The following TANC2 variants were observed in gnomAD, a reference collection of about 807,000 sequenced individuals.
The protein encoded by TANC2 is tetratricopeptide repeat, ankyrin repeat and coiled-coil containing 2, also known as protein TANC2.
TANC2 carries 26 observed loss-of-function variants against 210.5 expected under a neutral mutation model. The observed-to-expected ratio is 0.12, with a 90% CI of 0.09 to 0.17. The LOEUF is 0.17. Among genes scored for constraint, TANC2 ranks in the 10% least tolerant of loss-of-function variants. The pLI is 1.00. For synonymous variants in TANC2, 931 were observed against 967.1 expected (o/e 0.96, Z 0.69); for missense variants, 2,129 against 2,608.9 (o/e 0.82, Z 4.01).
At chr17:63,032,938 C>T (rs2034830600) in intron 2 of TANC2, among the ~76,000 whole-genome samples, 1 of 152,172 alleles carries the variant, frequency 6.6e-6, no homozygotes, top group Admixed American at 6.6e-5. Context: ...GCTATAATTT[C>T]TAGGTGCCCA....
At chr17:63,306,561 AGAAT>A (rs2044913584) in intron 9 of TANC2, among the ~76,000 whole-genome samples, 1 of 152,232 alleles carries the variant, frequency 6.6e-6, no homozygotes, top group African/African-American at 2.4e-5. Flanking sequence ...AGAAAACAAA[AGAAT>A]AAATATTGTT....
chr17:63,254,718 A>T (rs2043141272), intron 8 of TANC2, among the ~76,000 whole-genome samples: 1 of 152,214 alleles, frequency 6.6e-6, no homozygotes, highest in African/African-American at 2.4e-5. Flanking sequence ...CTTTTTCAGC[A>T]TGAATTGAAA....
At chr17:63,126,523 C>T (rs1185593355) in intron 4 of TANC2, among the ~76,000 whole-genome samples, 3 of 152,132 alleles carry the variant, frequency 2.0e-5, no homozygotes, top group Non-Finnish European at 4.4e-5. Context: ...ATTCTCCTGC[C>T]TCAGCCTCCC....
At chr17:63,137,122 C>G (rs2039117369) in intron 4 of TANC2, among the ~76,000 whole-genome samples, 1 of 151,934 alleles carries the variant, frequency 6.6e-6, no homozygotes, top group Non-Finnish European at 1.5e-5. Flanking sequence ...CCAGAAAGAT[C>G]TTGTTAAAAA....
chr17:63,246,051 C>T (rs2460109), intron 8 of TANC2, among the ~76,000 whole-genome samples: 89,607 of 151,194 alleles, frequency 0.59, 28,827 homozygotes, highest in African/African-American at 0.84. Flanking sequence ...CCTGTTGTCT[C>T]TGCAGAAGGA....
intron 9 of TANC2, among the ~76,000 whole-genome samples, chr17:63,288,550 C>T (rs2044292369): frequency 1.3e-5 from 2 of 152,078 alleles, no homozygotes; most frequent in Non-Finnish European, 1.5e-5. Context: ...TTGATGGTAT[C>T]GTTGAGTTCA....
In TANC2 at chr17:63,420,741, C is replaced by G; in HGVS notation, c.5011C>G (p.Arg1671Gly). ...ATCTCCATTATCCAAAATGGCCCAG[C>G]GGCCCTACCAGATGCCTCAGCTCCC... The change falls in exon 28 of 28, where the codon CGG (arginine) becomes GGG (glycine). Residue 1671 changes from arginine to glycine, a missense_variant. Around this residue, in one of 5 missense-constraint regions of TANC2, gnomAD observed 584 missense variants for 627.3 expected, o/e 0.93. Transcript: ENST00000689528. The surrounding 1 kb of genome is among the most constrained non-coding windows in gnomAD (Gnocchi z 4.2). The G allele has an allele frequency of 1.9e-6, 3 of 1,614,008 alleles. No homozygotes were observed. The highest frequency in any genetic ancestry group is 2.5e-6 in the Non-Finnish European group (3 of 1,179,890).
intron 1 of TANC2, among the ~76,000 whole-genome samples, chr17:62,999,582 A>T (rs942827052): frequency 6.6e-6 from 1 of 152,110 alleles, no homozygotes; most frequent in African/African-American, 2.4e-5. Flanking sequence ...AACCAACACA[A>T]ATTTGTAAGC....
chr17:63,046,270 C>G (rs2035375441), intron 2 of TANC2, among the ~76,000 whole-genome samples: 1 of 149,788 alleles, frequency 6.7e-6, no homozygotes, highest in Non-Finnish European at 1.5e-5. Context: ...AGCGATTCTC[C>G]TGCCTCAGCC....
chr17:63,121,938 G>T (rs1283052459), intron 4 of TANC2, among the ~76,000 whole-genome samples: 2 of 140,614 alleles, frequency 1.4e-5, no homozygotes, highest in Non-Finnish European at 3.1e-5. Flanking sequence ...CTGCACTGTA[G>T]CCTGGGCCAC....
intron 8 of TANC2, among the ~76,000 whole-genome samples, chr17:63,248,893 T>C (rs1343647026): frequency 6.6e-6 from 1 of 152,172 alleles, no homozygotes; most frequent in Admixed American, 6.6e-5. Flanking sequence ...TTTTCTAAGC[T>C]TTTAACTTAC....
In TANC2 at chr17:63,388,730, A is replaced by ACCAC; in HGVS notation, c.2788_2789insCACC (p.Arg930ProfsTer23). 6.3e-7 allele frequency: 1 copy of ACCAC among 1,576,918 alleles called. No individual in the cohort carries two copies. The highest frequency in any genetic ancestry group is 8.6e-7 in the Non-Finnish European group (1 of 1,159,748). On this transcript the variant is annotated frameshift_variant, in exon 16 of 28. Transcript: ENST00000689528. LOFTEE classifies it high-confidence loss of function. ...GTCTTTCCATGGCACTGGCGTCTTT[A>ACCAC]CGAAATCTCTACACTCCAAATATAA...
At chr17:62,978,155 C>CT (rs1255697848) in intron 1 of TANC2, among the ~76,000 whole-genome samples, 1 of 152,010 alleles carries the variant, frequency 6.6e-6, no homozygotes, top group Non-Finnish European at 1.5e-5. Context: ...ACTCTTATGA[C>CT]TAGAGAAGCA....
At chr17:63,183,745 C>T (rs1024978187) in intron 5 of TANC2, among the ~76,000 whole-genome samples, 3 of 152,162 alleles carry the variant, frequency 2.0e-5, no homozygotes, top group Non-Finnish European at 4.4e-5. Context: ...AGGCTGGGCG[C>T]GGTGGCTCAC....
At chr17:63,255,504 T>C (rs984807217) in intron 8 of TANC2, among the ~76,000 whole-genome samples, 1 of 152,216 alleles carries the variant, frequency 6.6e-6, no homozygotes, top group Non-Finnish European at 1.5e-5. Context: ...TTACTTTGTC[T>C]ATTCAAGTTT....
At chr17:63,076,410 A>AG (rs1048349116) in intron 3 of TANC2, among the ~76,000 whole-genome samples, 2 of 152,200 alleles carry the variant, frequency 1.3e-5, no homozygotes, top group African/African-American at 4.8e-5. Flanking sequence ...TTGGAAAAAA[A>AG]AAGTCTTTTC....
intron 7 of TANC2, 104 bp from the exon 8 acceptor site, chr17:63,237,709 GA>G: frequency 8.3e-7 from 1 of 1,208,970 alleles, no homozygotes; most frequent in South Asian, 1.6e-5. Context: ...ACCATTTTTT[GA>G]AAATGGTGTC....
At chr17:63,164,733 A>G (rs866486316) in intron 5 of TANC2, among the ~76,000 whole-genome samples, 5 of 152,176 alleles carry the variant, frequency 3.3e-5, no homozygotes, top group Admixed American at 2.0e-4. Context: ...AGGAGCACCA[A>G]TGTCCAAGAG....
intron 9 of TANC2, among the ~76,000 whole-genome samples, chr17:63,283,283 T>C (rs1200340927): frequency 2.0e-5 from 3 of 152,014 alleles, no homozygotes; most frequent in African/African-American, 4.8e-5. Context: ...TCCATAGATA[T>C]ATAGTTCTAT....
Sources: allele counts gnomAD v4.1 joint callset (sites outside exome capture counted in the v4.1 genomes callset), GRCh38; gene constraint gnomAD v4.1.1; regional missense constraint gnomAD v4.1.1; non-coding constraint Gnocchi (gnomAD v3.1); transcripts MANE v1.5; gene names NCBI Gene and HGNC (gene_info 2026-07-23, HGNC 2026-07-21).